ATP10B: variants seen among roughly 807,000 people sequenced by gnomAD.
The protein encoded by ATP10B is ATPase phospholipid transporting 10B (putative), also known as phospholipid-transporting ATPase VB.
A neutral mutation model predicts 141.2 loss-of-function variants in ATP10B; 122 were observed. That is an observed-to-expected ratio of 0.86 (90% CI 0.75 to 1.00). The LOEUF (loss-of-function observed/expected upper bound fraction) is 1.00. ATP10B is among the 50% of genes least tolerant of loss of function. ATP10B has a pLI of 0.00. For missense variants in ATP10B, 1,876 were observed against 1,825.3 expected, an observed-to-expected ratio of 1.03 and a Z score of -0.51; for synonymous variants, 685 against 692.0, an observed-to-expected ratio of 0.99 and a Z score of 0.16.
chr5:160,583,964 C>G (rs1224065375), intron 24 of ATP10B, among the ~76,000 whole-genome samples: 1 of 152,148 alleles, frequency 6.6e-6, no homozygotes, highest in Non-Finnish European at 1.5e-5. Flanking sequence ...GCTTACTGGG[C>G]TCCATGGGGG....
At chr5:160,799,563 G>A (rs1772222410) in intron 1 of ATP10B, among the ~76,000 whole-genome samples, 1 of 152,142 alleles carries the variant, frequency 6.6e-6, no homozygotes, top group African/African-American at 2.4e-5. Context: ...ATTTGAGGGC[G>A]AGAGAGCATG....
At chr5:160,652,008 G>T (rs116258457) in intron 7 of ATP10B, among the ~76,000 whole-genome samples, 1,544 of 152,214 alleles carry the variant, frequency 0.01, 19 homozygotes, top group African/African-American at 0.035. Flanking sequence ...TGGGGTCTGA[G>T]CACTAATGAT....
At chr5:160,925,079 A>C in the ATP10B span, among the ~76,000 whole-genome samples, 3 of 152,262 alleles carry the variant, frequency 2.0e-5, no homozygotes, top group Admixed American at 1.3e-4. Context: ...TTGGATCTTG[A>C]GTATAAACTC....
chr5:160,919,141 G>A, the ATP10B span, among the ~76,000 whole-genome samples: 123 of 145,366 alleles, frequency 8.5e-4, no homozygotes, highest in African/African-American at 3.0e-3. Flanking sequence ...GGAGAATGGC[G>A]TGAACCCGGG....
chr5:160,773,608 T>C (rs914079612), intron 2 of ATP10B, among the ~76,000 whole-genome samples: 21 of 152,190 alleles, frequency 1.4e-4, no homozygotes, highest in African/African-American at 4.8e-4. Flanking sequence ...TTGGAGCAGT[T>C]AATATTTTTC....
intron 6 of ATP10B, 148 bp from the exon 7 acceptor site, chr5:160,670,815 G>A (rs887663102): frequency 1.4e-5 from 9 of 661,970 alleles, no homozygotes; most frequent in East Asian, 2.6e-5. Context: ...ACCCCTGAAT[G>A]ACCACCTCAT....
chr5:160,685,954 T>G, intron 6 of ATP10B, 125 bp downstream of exon 6: 4 of 847,344 alleles, frequency 4.7e-6, no homozygotes, highest in Non-Finnish European at 6.8e-6. Context: ...TCACCCCCCC[T>G]TGAGAATCAG....
chr5:160,903,917 C>T, the ATP10B span, among the ~76,000 whole-genome samples: 4 of 152,100 alleles, frequency 2.6e-5, no homozygotes, highest in African/African-American at 9.7e-5. Context: ...TGGTGTCTGC[C>T]TGGTGAATAA....
At chr5:160,753,854 T>C (rs191434381) in intron 2 of ATP10B, among the ~76,000 whole-genome samples, 22 of 152,290 alleles carry the variant, frequency 1.4e-4, no homozygotes, top group African/African-American at 5.3e-4. Context: ...GCACAGAGTG[T>C]TACAAAATCA....
the ATP10B span, among the ~76,000 whole-genome samples, chr5:160,925,972 A>G: frequency 6.6e-6 from 1 of 152,232 alleles, no homozygotes; most frequent in African/African-American, 2.4e-5. Flanking sequence ...TGATGTATCC[A>G]TAAGGATTGC....
intron 19 of ATP10B, 145 bp downstream of exon 19, chr5:160,606,616 CTTGA>C: frequency 1.3e-6 from 1 of 771,640 alleles, no homozygotes. Flanking sequence ...GTTGCTGCAT[CTTGA>C]TTGTCATTTT....
At chr5:160,906,266 A>T in the ATP10B span, among the ~76,000 whole-genome samples, 1 of 152,136 alleles carries the variant, frequency 6.6e-6, no homozygotes, top group Non-Finnish European at 1.5e-5. Context: ...GACCTTTGAG[A>T]CATTTCACTA....
At position 160,595,334 on chromosome 5, in the gene ATP10B, T is replaced by C. The variant is rs554809697; in HGVS notation, c.3564+3436A>G. 1.5e-3 allele frequency among the ~76,000 whole-genome samples: 228 copies of C among 152,098 alleles called. 2 individuals are homozygous for C. The highest frequency in any genetic ancestry group is 5.3e-3 in the African/African-American group (218 of 41,488). Reference sequence around the variant, plus strand: ...TGAAGGCAGAAATAAAGATGTTCTTTGAAACCAATGAGAACAAAGACACAA... The same window carrying C: ...TGAAGGCAGAAATAAAGATGTTCTTCGAAACCAATGAGAACAAAGACACAA... On this transcript the variant is annotated intron_variant, in intron 22 of 25. Transcript: ENST00000327245.
intron 1 of ATP10B, among the ~76,000 whole-genome samples, chr5:160,815,511 G>C (rs971335548): frequency 6.6e-6 from 1 of 152,036 alleles, no homozygotes; most frequent in Non-Finnish European, 1.5e-5. Flanking sequence ...GACCTACAAA[G>C]AGACTTAGTC....
At chr5:160,590,507 C>T (rs1756216526) in intron 23 of ATP10B, among the ~76,000 whole-genome samples, 1 of 152,168 alleles carries the variant, frequency 6.6e-6, no homozygotes, top group African/African-American at 2.4e-5. Flanking sequence ...ACTATTTAAA[C>T]TGAGGAATCA....
At chr5:160,683,506 C>T (rs1321600990) in intron 6 of ATP10B, among the ~76,000 whole-genome samples, 2 of 152,236 alleles carry the variant, frequency 1.3e-5, no homozygotes, top group Non-Finnish European at 2.9e-5. Context: ...AGCTGGCCAC[C>T]TTTCACTCCC....
At chr5:160,739,269 A>T (rs1767310584) in intron 2 of ATP10B, among the ~76,000 whole-genome samples, 1 of 152,188 alleles carries the variant, frequency 6.6e-6, no homozygotes, top group Admixed American at 6.5e-5. Flanking sequence ...TAAGGTCAGG[A>T]ACAAGGCAAG....
rs1417845369 is a variant in ATP10B, at chr5:160,653,345, ATAGG to A, written c.676-4093_676-4090del. On this transcript the variant is annotated intron_variant, in intron 7 of 25. Transcript: ENST00000327245. ...TATATATACATACGTACATACATACATAGGTAGTATATATACATACGTACATACA... is the reference window on the plus strand; with the variant it reads ...TATATATACATACGTACATACATACATAGTATATATACATACGTACATACA... Among the ~76,000 whole-genome samples, 630 of 104,840 alleles carry A rather than the reference ATAGG, an allele frequency of 6.0e-3. 47 individuals are homozygous for A. The highest frequency in any genetic ancestry group is 0.023 in the African/African-American group (601 of 25,576). 68.8% of individuals were successfully genotyped at this position (104,840 alleles called of 152,430 possible).
At chr5:160,928,653 A>G in the ATP10B span, among the ~76,000 whole-genome samples, 1 of 152,198 alleles carries the variant, frequency 6.6e-6, no homozygotes, top group Admixed American at 6.5e-5. Context: ...TTTGCAAATC[A>G]TAAGGCTTCA....
Sources: gnomAD v4.1 joint callset for allele counts (sites outside exome capture counted in the v4.1 genomes callset) on GRCh38, gnomAD v4.1.1 for gene constraint, MANE v1.5 for transcripts, NCBI Gene and HGNC (gene_info 2026-07-23, HGNC 2026-07-21) for gene names.